LAMC1: variants seen among roughly 807,000 people sequenced by gnomAD.
The protein encoded by LAMC1 is laminin subunit gamma 1.
LAMC1 carries 38 observed loss-of-function variants against 173.6 expected under a neutral mutation model. That is an observed-to-expected ratio of 0.22 (90% CI 0.17 to 0.29). The LOEUF is 0.29. Ranked by LOEUF, LAMC1 falls within the 10% of genes least tolerant of loss-of-function variation. The pLI is 1.00. For missense variants in LAMC1, 1,824 were observed against 2,051.8 expected (o/e 0.89, Z 2.14); for synonymous variants, 746 against 749.1 (o/e 1.00, Z 0.07).
chr1:183,108,224 A>G, intron 2 of LAMC1, 52 bp from the exon 3 acceptor site: 2 of 1,567,354 alleles, frequency 1.3e-6, no homozygotes, highest in Non-Finnish European at 1.7e-6. Context: ...CATTTATATC[A>G]TTTTCAGTCC....
chr1:183,113,759 G>C (rs1218061163), intron 4 of LAMC1, among the ~76,000 whole-genome samples: 2 of 152,126 alleles, frequency 1.3e-5, no homozygotes, highest in African/African-American at 2.4e-5. Flanking sequence ...TGGCACTTTG[G>C]AAGTTAGTGT....
chr1:183,024,598 G>T (rs1653631531), intron 1 of LAMC1, among the ~76,000 whole-genome samples: 1 of 152,208 alleles, frequency 6.6e-6, no homozygotes, highest in Non-Finnish European at 1.5e-5. Context: ...TTGCTCTGTT[G>T]AGTTAAGGGG....
intron 11 of LAMC1, among the ~76,000 whole-genome samples, chr1:183,119,822 C>T (rs748996670): frequency 1.3e-5 from 2 of 152,170 alleles, no homozygotes; most frequent in East Asian, 1.9e-4. Flanking sequence ...AAGCTAGCAT[C>T]GTTGGGTTTT....
At chr1:183,077,776 G>GTGTGTGTGTATATATATATATA in intron 1 of LAMC1, among the ~76,000 whole-genome samples, 1,687 of 116,464 alleles carry the variant, frequency 0.014, 116 homozygotes, top group Middle Eastern at 0.032. Flanking sequence ...TGGCCATTGT[G>GTGTGTGTGTATATATATATATA]TATATATATA....
chr1:183,137,951 C>A, intron 26 of LAMC1, 124 bp downstream of exon 26: 1 of 915,730 alleles, frequency 1.1e-6, no homozygotes, highest in Non-Finnish European at 1.5e-6. Context: ...ATTGTCTCGT[C>A]AAGAATTGGG....
intron 1 of LAMC1, among the ~76,000 whole-genome samples, chr1:183,025,606 CTGTTA>C (rs1439780850): frequency 2.6e-5 from 4 of 152,120 alleles, no homozygotes; most frequent in Non-Finnish European, 5.9e-5. Flanking sequence ...TTATTTTCTC[CTGTTA>C]TATTTTTTAA....
chr1:183,036,719 TA>T (rs1653994431), intron 1 of LAMC1, among the ~76,000 whole-genome samples: 1 of 152,074 alleles, frequency 6.6e-6, no homozygotes, highest in Admixed American at 6.5e-5. Context: ...GGATCCTCTG[TA>T]AAAAACACAT....
chr1:183,073,401 CT>C (rs1457368501), intron 1 of LAMC1, among the ~76,000 whole-genome samples: 1 of 152,134 alleles, frequency 6.6e-6, no homozygotes, highest in Non-Finnish European at 1.5e-5. Flanking sequence ...TTTTGGCAGG[CT>C]TATGGGGAGA....
Position 183,108,329 on chromosome 1 carries a change from T to G in LAMC1, c.777T>G (p.Phe259Leu). The G allele has an allele frequency of 6.2e-7, 1 of 1,613,146 alleles. No homozygotes were observed. Among genetic ancestry groups the G allele is most frequent in the Non-Finnish European group, 8.5e-7 (1 of 1,179,182 alleles). Residue 259 changes from phenylalanine (F) to leucine (L), a missense_variant, in exon 3 of 28, where the codon TTT becomes TTG. Coordinates refer to ENST00000258341, the MANE Select transcript of LAMC1 (RefSeq NM_002293.4). ...TAACTCTTAATCGCCTGAACACTTT[T>G]GGAGATGAAGTGTTTAACGATCCCA... Reference protein sequence around the residue: ...IRVTLNRLNTFGDEVFNDPKV... With the variant: ...IRVTLNRLNTLGDEVFNDPKV...
chr1:183,072,559 T>C (rs1655035567), intron 1 of LAMC1, among the ~76,000 whole-genome samples: 1 of 152,170 alleles, frequency 6.6e-6, no homozygotes, highest in South Asian at 2.1e-4. Context: ...TGTGAGAGAC[T>C]ATTGAGGTGT....
At chr1:183,130,273 C>T (rs1254124605) in intron 18 of LAMC1, 71 bp from the exon 19 acceptor site, 2 of 1,349,500 alleles carry the variant, frequency 1.5e-6, no homozygotes, top group Middle Eastern at 1.8e-4. Context: ...TACATAGGGC[C>T]TCAGATTTCA....
chr1:183,071,086 G>GTTT (rs1423165417), intron 1 of LAMC1, among the ~76,000 whole-genome samples: 3 of 146,066 alleles, frequency 2.1e-5, no homozygotes, highest in African/African-American at 7.7e-5. Context: ...GGTTTTTTTT[G>GTTT]TTTTTGTTTT....
chr1:183,060,454 T>G (rs929396557), intron 1 of LAMC1, among the ~76,000 whole-genome samples: 1 of 152,086 alleles, frequency 6.6e-6, no homozygotes, highest in Non-Finnish European at 1.5e-5. Flanking sequence ...TTTGCCATCC[T>G]TTAAGACTCA....
intron 1 of LAMC1, among the ~76,000 whole-genome samples, chr1:183,074,171 T>C (rs577842694): frequency 6.6e-4 from 100 of 152,350 alleles, no homozygotes; most frequent in Admixed American, 1.1e-3. Flanking sequence ...GTCATATGTA[T>C]CTTTTACAGA....
intron 1 of LAMC1, among the ~76,000 whole-genome samples, chr1:183,070,171 C>T (rs1654977594): frequency 6.6e-6 from 1 of 152,164 alleles, no homozygotes; most frequent in African/African-American, 2.4e-5. Context: ...AAGGTAAATA[C>T]CTAGTCATAA....
chr1:183,052,284 A>C (rs900508923), intron 1 of LAMC1, among the ~76,000 whole-genome samples: 5 of 151,680 alleles, frequency 3.3e-5, no homozygotes, highest in African/African-American at 7.3e-5. Context: ...AACTCTGCTA[A>C]TTGATATTCT....
At chr1:183,075,393 G>A (rs921462472) in intron 1 of LAMC1, among the ~76,000 whole-genome samples, 2 of 152,132 alleles carry the variant, frequency 1.3e-5, no homozygotes, top group African/African-American at 4.8e-5. Context: ...TGGGGATACA[G>A]GAATGAGCCA....
intron 1 of LAMC1, among the ~76,000 whole-genome samples, chr1:183,102,688 C>A (rs948772515): frequency 2.0e-5 from 3 of 152,150 alleles, no homozygotes; most frequent in African/African-American, 7.2e-5. Flanking sequence ...CCTTTTTAAA[C>A]CTCCTTTCTC....
At chr1:183,121,090 C>G (rs1232159708) in intron 11 of LAMC1, among the ~76,000 whole-genome samples, 1 of 152,106 alleles carries the variant, frequency 6.6e-6, no homozygotes, top group Non-Finnish European at 1.5e-5. Flanking sequence ...CTGTAAAATT[C>G]AGCAAATCTA....
Sources: gnomAD v4.1 joint callset for allele counts (sites outside exome capture counted in the v4.1 genomes callset) on GRCh38, gnomAD v4.1.1 for gene constraint, MANE v1.5 for transcripts, NCBI Gene and HGNC (gene_info 2026-07-23, HGNC 2026-07-21) for gene names.